GNB1L: variants seen among roughly 807,000 people sequenced by gnomAD.
GNB1L encodes guanine nucleotide-binding protein subunit beta-like protein 1.
GNB1L carries 20 observed loss-of-function variants against 29.1 expected under a neutral mutation model. The ratio of observed to expected loss-of-function variants is 0.69; its 90% CI spans 0.48 to 1.00. The LOEUF (loss-of-function observed/expected upper bound fraction) is 1.00, where lower values mean the gene tolerates loss of function less well. Ranked by LOEUF, GNB1L falls within the 50% of genes least tolerant of loss-of-function variation. GNB1L has a pLI of 0.00. For synonymous variants in GNB1L, 193 were observed against 206.5 expected (o/e 0.93, Z 0.56); for missense variants, 421 against 464.9 (o/e 0.91, Z 0.87).
intron 2 of GNB1L, chr22:19,851,782 C>A (rs143337064): frequency 6.2e-7 from 1 of 1,613,426 alleles, no homozygotes; most frequent in Non-Finnish European, 8.5e-7. Flanking sequence ...GGGGCAGGTC[C>A]CCATCAAGGT....
chr22:19,850,700 G>A (rs956300274), intron 2 of GNB1L: 30 of 1,233,844 alleles, frequency 2.4e-5, no homozygotes, highest in Non-Finnish European at 3.0e-5. Flanking sequence ...AGGGAGCAGA[G>A]AGGGTGGGGC....
chr22:19,825,094 A>T (rs1601339347), intron 2 of GNB1L, among the ~76,000 whole-genome samples: 1 of 152,088 alleles, frequency 6.6e-6, no homozygotes, highest in African/African-American at 2.4e-5. Flanking sequence ...TCCCTGTCCC[A>T]TTGGGCATGT....
In GNB1L at chr22:19,788,958, C is replaced by T. The variant is rs1429764437; in HGVS notation, c.735G>A (p.Val245=). 1.9e-6 allele frequency: 3 copies of T among 1,599,242 alleles called. No individual in the cohort carries two copies. Among genetic ancestry groups the T allele is most frequent in the African/African-American group, 2.7e-5 (2 of 74,722 alleles). ...WSLDWQQALQ[V]RGTHELTNPG... ...GATTGGTGAGTTCATGAGTCCCACG[C>T]ACCTGTGAGAGTTGGGAGAGGTGTT... The change falls in exon 8 of 8, where the codon GTG becomes GTA. Residue 245 remains valine, a splice_region_variant and synonymous_variant. Coordinates refer to ENST00000329517, the MANE Select transcript of GNB1L (RefSeq NM_053004.3).
chr22:19,841,925 A>G lies in GNB1L; in HGVS notation c.-21+12518T>C, dbSNP rs145520828. On this transcript the variant is annotated intron_variant, in intron 2 of 7. Transcript: ENST00000329517. Reference sequence around the variant, plus strand: ...TATGAAGTAGCACAGCCGTTCTAGCATGAAGATGTTGAATTGGCTGGTCCT... The same window carrying G: ...TATGAAGTAGCACAGCCGTTCTAGCGTGAAGATGTTGAATTGGCTGGTCCT... Among the ~76,000 whole-genome samples the G allele has an allele frequency of 1.1e-4, 16 of 152,324 alleles. No homozygotes were observed. In the East Asian group the frequency reaches 3.1e-3, roughly 29 times the overall value.
At chr22:19,836,668 T>G (rs1212820665) in intron 2 of GNB1L, among the ~76,000 whole-genome samples, 2 of 152,134 alleles carry the variant, frequency 1.3e-5, no homozygotes, top group Admixed American at 1.3e-4. Context: ...AAGTCTCAAG[T>G]TGGGGAGGGA....
Position 19,784,129 on chromosome 22 carries a change from A to G in GNB1L, c.*4580T>C, listed in dbSNP as rs1937169426. On this transcript the variant is annotated 3_prime_UTR_variant, in exon 8 of 8. Coordinates refer to ENST00000329517, the MANE Select transcript of GNB1L (RefSeq NM_053004.3). The stretch of plus-strand genomic sequence containing the variant: ...ACGCTGGGATTTCACATGAAGTTCT[A>G]GCTAATTGAGTATAAGCATTTCTAA... 1 of 152,252 alleles carries G rather than the reference A, an allele frequency of 6.6e-6. No individual in the cohort carries two copies. The highest frequency in any genetic ancestry group is 1.5e-5 in the Non-Finnish European group (1 of 68,050). The allele number at this position is 152,252 out of a possible 1,614,324, so 9.4% of individuals were successfully genotyped here. A position where few individuals can be genotyped will look rare whatever the true frequency, so the allele number is the denominator to read the frequency against.
chr22:19,831,216 T>G (rs1024315784), intron 2 of GNB1L, among the ~76,000 whole-genome samples: 11 of 150,786 alleles, frequency 7.3e-5, no homozygotes, highest in African/African-American at 2.7e-4. Flanking sequence ...CAAAATTATC[T>G]GGGCGCGGTG....
chr22:19,820,793 G>A (rs1937572314), intron 3 of GNB1L, 70 bp from the exon 4 acceptor site: 2 of 1,536,052 alleles, frequency 1.3e-6, no homozygotes, highest in Admixed American at 1.9e-5. Context: ...GGCCAGCCTG[G>A]AGGCCACATT....
In GNB1L at chr22:19,802,173, T is replaced by A; in HGVS notation, c.560A>T (p.Asp187Val). Residue 187 changes from aspartate to valine, a missense_variant, in exon 7 of 8, where the codon GAT (aspartate) becomes GTT (valine). Physicochemically the swap from Asp to Val is radical, Grantham distance 152. Coordinates refer to ENST00000329517, the MANE Select transcript of GNB1L (RefSeq NM_053004.3). ...GACGTCCCACAGGACCACCGATCCATCCTCATAGCCGGCCAGAAGGAGTGG... is the reference window on the plus strand; with the variant it reads ...GACGTCCCACAGGACCACCGATCCAACCTCATAGCCGGCCAGAAGGAGTGG... ...SRPLLLAGYE[D>V]GSVVLWDVSE... The A allele has an allele frequency of 6.2e-7, 1 of 1,613,126 alleles. No individual in the cohort carries two copies. Among genetic ancestry groups the A allele is most frequent in the Non-Finnish European group, 8.5e-7 (1 of 1,180,004 alleles).
At chr22:19,810,133 A>G (rs1160704574) in intron 5 of GNB1L, among the ~76,000 whole-genome samples, 1 of 152,134 alleles carries the variant, frequency 6.6e-6, no homozygotes, top group Non-Finnish European at 1.5e-5. Context: ...TCCAGCAGTT[A>G]ATGGGGTGGG....
At position 19,820,556 on chromosome 22, in the gene GNB1L, C is replaced by G. The variant is rs766709794; in HGVS notation, c.254+42G>C. On this transcript the variant is annotated intron_variant, in intron 4 of 7. Coordinates refer to ENST00000329517, the MANE Select transcript of GNB1L (RefSeq NM_053004.3). Reference sequence around the variant, plus strand: ...AGCCTCCATCAGAGAGTTCCTGACTCCCCCGAAGGCCATACCTGGCTCCTG... The same window carrying G: ...AGCCTCCATCAGAGAGTTCCTGACTGCCCCGAAGGCCATACCTGGCTCCTG... 3 of 1,586,010 alleles carry G rather than the reference C, an allele frequency of 1.9e-6. No homozygotes were observed. The South Asian group carries it at 3.4e-5, about 18-fold the overall frequency.
intron 2 of GNB1L, among the ~76,000 whole-genome samples, chr22:19,824,902 G>A (rs1250241462): frequency 6.6e-6 from 1 of 152,254 alleles, no homozygotes; most frequent in Non-Finnish European, 1.5e-5. Flanking sequence ...GGGGGTTCAT[G>A]CCAGACAGGC....
chr22:19,815,936 C>T (rs1937522083), intron 4 of GNB1L, among the ~76,000 whole-genome samples: 1 of 152,192 alleles, frequency 6.6e-6, no homozygotes, highest in South Asian at 2.1e-4. Context: ...CACGAAGACC[C>T]CGTATGCCTC....
chr22:19,841,533 TG>T (rs1937860585), intron 2 of GNB1L, among the ~76,000 whole-genome samples: 3 of 152,138 alleles, frequency 2.0e-5, no homozygotes, highest in Non-Finnish European at 4.4e-5. Context: ...GCTATGTTGG[TG>T]GCTGAAGCAG....
rs1938000434 is a variant in GNB1L, at chr22:19,847,818, A to AG, written c.-21+6624_-21+6625insC. 3.2e-6 allele frequency: 3 copies of AG among 944,248 alleles called. No individual in the cohort carries two copies. The African/African-American group carries it at 5.4e-5, about 17-fold the overall frequency. 58.5% of individuals were successfully genotyped at this position (944,248 alleles called of 1,614,324 possible). A position where few individuals can be genotyped will look rare whatever the true frequency, so the allele number is the denominator to read the frequency against. ...GGAATCATAGGCAAAAAAAAAAAAA[A>AG]AAAAAAATTCACCCATATTTTCCTC... is the stretch of plus-strand genomic sequence containing the variant. On this transcript the variant is annotated intron_variant, in intron 2 of 7. Coordinates refer to ENST00000329517, the MANE Select transcript of GNB1L (RefSeq NM_053004.3).
At chr22:19,838,333 GA>G (rs1282442561) in intron 2 of GNB1L, among the ~76,000 whole-genome samples, 1 of 151,998 alleles carries the variant, frequency 6.6e-6, no homozygotes, top group Non-Finnish European at 1.5e-5. Flanking sequence ...CTAAAATTCA[GA>G]AAAAAACTGT....
intron 4 of GNB1L, among the ~76,000 whole-genome samples, chr22:19,819,650 A>T (rs1027761918): frequency 1.3e-5 from 2 of 152,212 alleles, no homozygotes; most frequent in African/African-American, 4.8e-5. Flanking sequence ...AGCACAGGCT[A>T]GAACAGTGGG....
At chr22:19,840,275 T>C (rs1037549493) in intron 2 of GNB1L, among the ~76,000 whole-genome samples, 1 of 151,948 alleles carries the variant, frequency 6.6e-6, no homozygotes, top group African/African-American at 2.4e-5. Context: ...TAAACAAATC[T>C]CCCAAACAGA....
intron 5 of GNB1L, among the ~76,000 whole-genome samples, chr22:19,810,720 C>A (rs926404345): frequency 6.6e-6 from 1 of 152,198 alleles, no homozygotes; most frequent in Non-Finnish European, 1.5e-5. Context: ...GGGAGTGCGG[C>A]TCCCTGGGCG....
Sources: allele counts gnomAD v4.1 joint callset (sites outside exome capture counted in the v4.1 genomes callset), GRCh38; gene constraint gnomAD v4.1.1; transcripts MANE v1.5; gene names NCBI Gene and HGNC (gene_info 2026-07-23, HGNC 2026-07-21).